Variants in DEDD2 observed in about 807,000 individuals in gnomAD.
The protein encoded by DEDD2 is death effector domain containing 2, also known as DNA-binding death effector domain-containing protein 2.
Under a neutral mutation model 28.9 loss-of-function variants are expected in DEDD2, and 18 were observed. That is an observed-to-expected ratio of 0.62 (90% CI 0.43 to 0.92). DEDD2 has a LOEUF of 0.92. Ranked by LOEUF, DEDD2 falls within the 40% of genes least tolerant of loss-of-function variation. The pLI, the probability that DEDD2 is intolerant of heterozygous loss-of-function variation, is 0.00. For missense variants in DEDD2, 411 were observed against 463.3 expected, an observed-to-expected ratio of 0.89 and a Z score of 1.04; for synonymous variants, 211 against 206.1, an observed-to-expected ratio of 1.02 and a Z score of -0.20.
chr19:42,216,606 G>C, intron 2 of DEDD2, 74 bp downstream of exon 2: 1 of 1,431,626 alleles, frequency 7.0e-7, no homozygotes, highest in Admixed American at 2.8e-5. Context: ...GTCCGTATCA[G>C]GGCACCAGGG....
chr19:42,204,075 A>G (rs2035436020), intron 4 of DEDD2, among the ~76,000 whole-genome samples: 1 of 151,992 alleles, frequency 6.6e-6, no homozygotes, highest in South Asian at 2.1e-4. Context: ...TGGGCCCAGC[A>G]CCCTCTTGTC....
At chr19:42,207,535 G>A (rs975906505) in intron 4 of DEDD2, among the ~76,000 whole-genome samples, 2 of 151,898 alleles carry the variant, frequency 1.3e-5, no homozygotes, top group Non-Finnish European at 2.9e-5. Flanking sequence ...GCAGGGGCTC[G>A]GCACCACCCC....
In DEDD2 at chr19:42,208,146, A is replaced by G. The variant is rs534675821; in HGVS notation, c.589+1554T>C. Among the ~76,000 whole-genome samples the G allele has an allele frequency of 9.2e-5, 14 of 152,202 alleles. No homozygotes were observed. The South Asian group carries it at 1.7e-3, about 18-fold the overall frequency. On this transcript the variant is annotated intron_variant, in intron 4 of 4. Transcript: ENST00000596251. ...TATCTGATCCCTTCTGTGTTTCCCA[A>G]GCTTGCCCAACTAGAGAAAGGAGTA...
Position 42,199,690 on chromosome 19 carries a change from G to T in DEDD2, c.729C>A (p.Asp243Glu). The T allele has an allele frequency of 6.2e-7, 1 of 1,614,138 alleles. No individual in the cohort carries two copies. Among genetic ancestry groups the T allele is most frequent in the Non-Finnish European group, 8.5e-7 (1 of 1,179,968 alleles). Residue 243 changes from aspartate (D) to glutamate (E), a missense_variant, in exon 5 of 5, where the codon GAC (aspartate) becomes GAA (glutamate). Physicochemically the swap from Asp to Glu is conservative, Grantham distance 45 (BLOSUM62 2). Transcript: ENST00000596251. The surrounding 1 kb of genome is among the most constrained non-coding windows in gnomAD (Gnocchi z 7.4). ...GQATAVLRSRDLGSVVCDIKF... is the reference protein window; with the variant it reads ...GQATAVLRSRELGSVVCDIKF... ...TGATGTCACAAACCACAGAGCCCAG[G>T]TCCCTTGAGCGCAGCACTGCGGTGG...
intron 3 of DEDD2, among the ~76,000 whole-genome samples, chr19:42,211,743 A>G (rs1192962055): frequency 6.6e-6 from 1 of 152,224 alleles, no homozygotes; most frequent in Admixed American, 6.5e-5. Context: ...TTAGTATAAA[A>G]AAGTCTGGCT....
At position 42,199,572 on chromosome 19, in the gene DEDD2, C is replaced by T; in HGVS notation, c.847G>A (p.Ala283Thr). ...TCCCGGCCCACAGCCTCTCGCAGGG[C>T]CTCAGTCAGGAACACGCCCCGCAGG... ...QALRGVFLTE[A>T]LREAVGREAV... Residue 283 changes from alanine to threonine, a missense_variant, in exon 5 of 5, where the codon GCC (alanine) becomes ACC (threonine). This residue lies in a region of DEDD2 where 129 missense variants were observed against 189.9 expected (regional missense o/e 0.68). Transcript: ENST00000596251. This position sits in a 1 kb window ranked among gnomAD's most constrained non-coding sequence, Gnocchi z 7.4. 3.1e-6 allele frequency: 5 copies of T among 1,614,106 alleles called. No homozygotes were observed. The highest frequency in any genetic ancestry group is 2.2e-5 in the East Asian group (1 of 44,876).
At chr19:42,202,055 C>T (rs1297192840) in intron 4 of DEDD2, 3 of 398,704 alleles carry the variant, frequency 7.5e-6, no homozygotes, top group African/African-American at 2.1e-5. Flanking sequence ...CCTTACCTCT[C>T]TGAGCCTGTT....
intron 3 of DEDD2, among the ~76,000 whole-genome samples, chr19:42,214,382 T>C (rs954593429): frequency 2.0e-5 from 3 of 151,850 alleles, no homozygotes; most frequent in Non-Finnish European, 2.9e-5. Flanking sequence ...TGCTTGAATC[T>C]GGGTGGCAGA....
intron 4 of DEDD2, among the ~76,000 whole-genome samples, chr19:42,206,965 T>C (rs998406791): frequency 9.9e-5 from 15 of 152,024 alleles, no homozygotes; most frequent in African/African-American, 2.7e-4. Flanking sequence ...TGCTCACCCA[T>C]CTCCCATCAA....
Position 42,199,401 on chromosome 19 carries a change from G to C in DEDD2, c.*37C>G, listed in dbSNP as rs2035231033. 6.5e-7 allele frequency: 1 copy of C among 1,527,484 alleles called. No individual in the cohort carries two copies. The highest frequency in any genetic ancestry group is 8.7e-7 in the Non-Finnish European group (1 of 1,144,308). 94.6% of individuals were successfully genotyped at this position (1,527,484 alleles called of 1,614,324 possible). A position where few individuals can be genotyped will look rare whatever the true frequency, so the allele number is the denominator to read the frequency against. On this transcript the variant is annotated 3_prime_UTR_variant, in exon 5 of 5. Transcript: ENST00000596251. This position sits in a 1 kb window ranked among gnomAD's most constrained non-coding sequence, Gnocchi z 7.4. Reference sequence around the variant, plus strand: ...CGTCCTCCCAGGAGAAGGTGGCCCGGAGACTTGGAGGTGGGATCAATCCTG... The same window carrying C: ...CGTCCTCCCAGGAGAAGGTGGCCCGCAGACTTGGAGGTGGGATCAATCCTG...
Position 42,216,830 on chromosome 19 carries a change from C to T in DEDD2, c.178G>A (p.Ala60Thr), listed in dbSNP as rs555060253. The T allele has an allele frequency of 6.3e-7, 1 of 1,585,788 alleles. No homozygotes were observed. The highest frequency in any genetic ancestry group is 8.6e-7 in the Non-Finnish European group (1 of 1,166,520). ...DEAPGAAGGL[A>T]RARSGLELLL... is the part of the protein sequence containing the mutation. ...AGCTCTAGGCCGCTGCGGGCCCGGG[C>T]TAAGCCTCCGGCGGCGCCAGGAGCC... The change falls in exon 2 of 5, where the codon GCC becomes ACC. Residue 60 changes from alanine to threonine, a missense_variant. Physicochemically the swap from Ala to Thr is moderately conservative, Grantham distance 58. This residue lies in a region of DEDD2 where 282 missense variants were observed against 273.4 expected (regional missense o/e 1.03). Coordinates refer to ENST00000596251, the MANE Select transcript of DEDD2 (RefSeq NM_133328.4).
intron 3 of DEDD2, among the ~76,000 whole-genome samples, chr19:42,214,622 G>A (rs760752756): frequency 1.3e-5 from 2 of 152,094 alleles, no homozygotes; most frequent in Non-Finnish European, 2.9e-5. Flanking sequence ...AATTAGCCAG[G>A]CATGGTGGCA....
intron 3 of DEDD2, among the ~76,000 whole-genome samples, chr19:42,211,252 G>A (rs1424179553): frequency 1.3e-5 from 2 of 152,026 alleles, no homozygotes; most frequent in Non-Finnish European, 2.9e-5. Flanking sequence ...GGGTGTGGTA[G>A]CACGTGCCTG....
intron 1 of DEDD2, 60 bp from the exon 2 acceptor site, chr19:42,217,105 A>T: frequency 7.8e-7 from 1 of 1,277,272 alleles, no homozygotes; most frequent in Non-Finnish European, 1.1e-6. Context: ...CGAACCCCAC[A>T]CCGCCAGCGC....
At chr19:42,205,390 G>A (rs1304805974) in intron 4 of DEDD2, among the ~76,000 whole-genome samples, 1 of 152,156 alleles carries the variant, frequency 6.6e-6, no homozygotes, top group Non-Finnish European at 1.5e-5. Flanking sequence ...AACACTTTGG[G>A]AGGCCCAGGC....
intron 2 of DEDD2, among the ~76,000 whole-genome samples, chr19:42,216,102 T>A (rs1219462887): frequency 6.6e-6 from 1 of 152,228 alleles, no homozygotes; most frequent in Non-Finnish European, 1.5e-5. Flanking sequence ...TGGCTGGCAG[T>A]GCAGCCTCAG....
chr19:42,210,560 A>AT (rs1333159178), intron 3 of DEDD2, among the ~76,000 whole-genome samples: 1 of 151,764 alleles, frequency 6.6e-6, no homozygotes, highest in Non-Finnish European at 1.5e-5. Flanking sequence ...CAACCGGCTA[A>AT]TTTTTTGTAT....
intron 4 of DEDD2, among the ~76,000 whole-genome samples, chr19:42,202,271 A>G (rs1456401675): frequency 6.6e-6 from 1 of 151,534 alleles, no homozygotes. Flanking sequence ...CCCTAAGCCA[A>G]CCTCCTCCTT....
At chr19:42,201,478 G>A (rs1360178741) in intron 4 of DEDD2, among the ~76,000 whole-genome samples, 4 of 152,222 alleles carry the variant, frequency 2.6e-5, no homozygotes, top group Non-Finnish European at 5.9e-5. Context: ...CCTCTGATAG[G>A]CCAATTGCCT....
Sources: allele counts gnomAD v4.1 joint callset (sites outside exome capture counted in the v4.1 genomes callset), GRCh38; gene constraint gnomAD v4.1.1; regional missense constraint gnomAD v4.1.1; non-coding constraint Gnocchi (gnomAD v3.1); transcripts MANE v1.5; gene names NCBI Gene and HGNC (gene_info 2026-07-23, HGNC 2026-07-21).